Variants in MICU2 observed in about 807,000 individuals in gnomAD.
MICU2 encodes the protein calcium uptake protein 2, mitochondrial.
In MICU2, 64 loss-of-function variants were observed where a neutral mutation model predicts 60.4. The observed-to-expected ratio is 1.06, with a 90% CI of 0.87 to 1.31. The LOEUF (loss-of-function observed/expected upper bound fraction) is 1.31, where lower values mean the gene tolerates loss of function less well. Ranked by LOEUF, MICU2 falls within the 50% of genes most tolerant of loss-of-function variation. The pLI, the probability that MICU2 is intolerant of heterozygous loss-of-function variation, is 0.00. For missense variants in MICU2, 569 were observed against 531.0 expected (o/e 1.07, Z -0.70); for synonymous variants, 201 against 175.0 (o/e 1.15, Z -1.17).
chr13:21,547,525 T>C (rs142570585), intron 2 of MICU2, among the ~76,000 whole-genome samples: 3 of 152,332 alleles, frequency 2.0e-5, no homozygotes, highest in East Asian at 1.9e-4. Context: ...GTATGTTTTA[T>C]TCACCATTAT....
chr13:21,512,841 T>A (rs936646136), intron 7 of MICU2, among the ~76,000 whole-genome samples: 1 of 152,228 alleles, frequency 6.6e-6, no homozygotes, highest in African/African-American at 2.4e-5. Flanking sequence ...TATGTTTTCT[T>A]CTAAGAGCTC....
In MICU2 at chr13:21,500,417, AT is replaced by A. The variant is rs10608018; in HGVS notation, c.933+2508del. ...CGTTTAAAGTTCTTGATACCTACTG[AT>A]TTTTTTTTTTTTTTTTTTTTTTTTT... On this transcript the variant is annotated intron_variant, in intron 9 of 11. Transcript: ENST00000382374. 1.7e-3 allele frequency among the ~76,000 whole-genome samples: 211 copies of A among 124,916 alleles called. 7 individuals carry two copies. Among genetic ancestry groups the A allele is most frequent in the South Asian group, 5.3e-3 (22 of 4,136 alleles). 81.9% of individuals were successfully genotyped at this position (124,916 alleles called of 152,430 possible). A position where few individuals can be genotyped will look rare whatever the true frequency, so the allele number is the denominator to read the frequency against.
chr13:21,565,890 C>G (rs542971353), intron 2 of MICU2, among the ~76,000 whole-genome samples: 3 of 152,324 alleles, frequency 2.0e-5, no homozygotes, highest in Admixed American at 2.0e-4. Flanking sequence ...TGCTCACAAA[C>G]CTTCAATGCC....
At chr13:21,517,899 T>G (rs1886622036) in intron 6 of MICU2, among the ~76,000 whole-genome samples, 1 of 151,974 alleles carries the variant, frequency 6.6e-6, no homozygotes, top group African/African-American at 2.4e-5. Flanking sequence ...ATGTAGTTTT[T>G]CCTCTTCAAT....
chr13:21,512,189 CATTGCGCT>C (rs1886446490), intron 7 of MICU2, among the ~76,000 whole-genome samples: 2 of 152,184 alleles, frequency 1.3e-5, no homozygotes, highest in Non-Finnish European at 2.9e-5. Flanking sequence ...TTTTAATTTG[CATTGCGCT>C]AATGACTAAA....
At chr13:21,493,728 T>TA (rs1365562056) in intron 11 of MICU2, among the ~76,000 whole-genome samples, 2 of 152,030 alleles carry the variant, frequency 1.3e-5, no homozygotes, top group Non-Finnish European at 2.9e-5. Context: ...GAACTTTGTT[T>TA]AGCTATGTAG....
Position 21,495,072 on chromosome 13 carries a change from CATTT to C in MICU2, c.1200+85_1200+88del, listed in dbSNP as rs142910548. 4.3e-3 allele frequency: 3,813 copies of C among 891,466 alleles called. 99 individuals are homozygous for C. The African/African-American group carries it at 0.058, about 14-fold the overall frequency. 55.2% of individuals were successfully genotyped at this position (891,466 alleles called of 1,614,324 possible). A position where few individuals can be genotyped will look rare whatever the true frequency, so the allele number is the denominator to read the frequency against. On this transcript the variant is annotated intron_variant, in intron 11 of 11. Transcript: ENST00000382374. ...GTCTTTTTATAAGTGATGAAAACTC[CATTT>C]AAAGACTGTACAATTGCCCAAATTC...
intron 1 of MICU2, chr13:21,603,661 A>G: frequency 1.9e-6 from 1 of 523,518 alleles, no homozygotes; most frequent in East Asian, 3.5e-5. Context: ...CCACTAAATT[A>G]GTGCGGCCAG....
intron 8 of MICU2, among the ~76,000 whole-genome samples, chr13:21,505,068 G>A (rs553423202): frequency 6.6e-6 from 1 of 152,134 alleles, no homozygotes; most frequent in South Asian, 2.1e-4. Flanking sequence ...TTTTCCTGAC[G>A]AGAAGACTTG....
chr13:21,549,874 C>T (rs1048400955), intron 2 of MICU2, among the ~76,000 whole-genome samples: 1 of 151,978 alleles, frequency 6.6e-6, no homozygotes, highest in Non-Finnish European at 1.5e-5. Context: ...GTTCTGTGAC[C>T]CATTTTTGCT....
Position 21,539,631 on chromosome 13 carries a change from C to G in MICU2, c.390+26G>C, listed in dbSNP as rs770460970. The stretch of plus-strand genomic sequence containing the variant: ...ATTTTCTATCTTACCAAAAACAAAC[C>G]CTGCCCCCCACAACATGATGCTTAC... On this transcript the variant is annotated intron_variant, in intron 3 of 11. Transcript: ENST00000382374. 2.0e-5 allele frequency: 32 copies of G among 1,613,860 alleles called. No homozygotes were observed. The African/African-American group carries it at 3.7e-4, about 19-fold the overall frequency.
Position 21,604,084 on chromosome 13 carries a change from AG to A in MICU2, c.64del (p.Leu22SerfsTer56), listed in dbSNP as rs1055827539. ...CCGCACAGCCTGTCGGCTGACAGCG[AG>A]CCCCCGTCGCAGTTTTCCGCCCCAG... ...AAWGGKLRRG[L>X]AVSRQAVRSP... On this transcript the variant is annotated frameshift_variant, in exon 1 of 12. Transcript: ENST00000382374. LOFTEE classifies it high-confidence loss of function. The A allele has an allele frequency of 1.1e-5, 17 of 1,596,826 alleles. No homozygotes were observed. The highest frequency in any genetic ancestry group is 1.4e-5 in the African/African-American group (1 of 73,700).
intron 1 of MICU2, chr13:21,603,738 G>T: frequency 1.7e-6 from 1 of 596,504 alleles, no homozygotes; most frequent in Non-Finnish European, 2.9e-6. Context: ...CCGGTCACCA[G>T]CCTCGAAGGC....
At chr13:21,500,776 T>C (rs985495713) in intron 9 of MICU2, among the ~76,000 whole-genome samples, 2 of 152,172 alleles carry the variant, frequency 1.3e-5, no homozygotes, top group Non-Finnish European at 2.9e-5. Context: ...TCTTTACATA[T>C]CAATATCTCC....
chr13:21,514,498 T>A (rs113828335), intron 6 of MICU2, 80 bp from the exon 7 acceptor site: 19 of 993,826 alleles, frequency 1.9e-5, no homozygotes, highest in African/African-American at 1.3e-4. Context: ...TGCCAACTTA[T>A]TGTTATAAAA....
At chr13:21,548,624 C>T (rs180759103) in intron 2 of MICU2, among the ~76,000 whole-genome samples, 2 of 152,340 alleles carry the variant, frequency 1.3e-5, no homozygotes, top group East Asian at 1.9e-4. Context: ...AAGGTTACAA[C>T]GGGGCTAGTG....
rs1191097459 is a variant in MICU2 at position 21,499,416 on chromosome 13, CT to C, written c.934-3257del. Among the ~76,000 whole-genome samples the C allele has an allele frequency of 4.2e-4, 62 of 146,072 alleles. No homozygotes were observed. In the East Asian group the frequency reaches 4.6e-3, roughly 11 times the overall value. On this transcript the variant is annotated intron_variant, in intron 9 of 11. Coordinates refer to ENST00000382374, the MANE Select transcript of MICU2 (RefSeq NM_152726.3). ...ACCGTTCTCCATGGGTCTCACATTT[CT>C]TTTTTTTTTTGAGATGGAGTCTCGC... is the stretch of plus-strand genomic sequence containing the variant.
Position 21,496,032 on chromosome 13 carries a change from TG to T in MICU2, c.1042+19del, listed in dbSNP as rs1276152214. On this transcript the variant is annotated intron_variant, in intron 10 of 11. Coordinates refer to ENST00000382374, the MANE Select transcript of MICU2 (RefSeq NM_152726.3). ...CTGTTTATAGATGATAAAAATTAAA[TG>T]GTTTTTCATATAACTTACCTAGTCT... 6.5e-7 allele frequency: 1 copy of T among 1,540,406 alleles called. No individual in the cohort carries two copies. Among genetic ancestry groups the T allele is most frequent in the Admixed American group, 1.8e-5 (1 of 55,480 alleles).
At chr13:21,601,746 G>A (rs1888820061) in intron 1 of MICU2, among the ~76,000 whole-genome samples, 1 of 152,214 alleles carries the variant, frequency 6.6e-6, no homozygotes, top group African/African-American at 2.4e-5. Context: ...CACTTTAGTG[G>A]GAAGGTGCCT....
Sources: gnomAD v4.1 joint callset for allele counts (sites outside exome capture counted in the v4.1 genomes callset) on GRCh38, gnomAD v4.1.1 for gene constraint, MANE v1.5 for transcripts, NCBI Gene and HGNC (gene_info 2026-07-23, HGNC 2026-07-21) for gene names.